The following SORCS2 variants were observed in gnomAD, a reference collection of about 807,000 sequenced individuals.
SORCS2 encodes VPS10 domain-containing receptor SorCS2.
Under a neutral mutation model 141.6 loss-of-function variants are expected in SORCS2, and 100 were observed. That is an observed-to-expected ratio of 0.71 (90% CI 0.60 to 0.83). The LOEUF is 0.83. Ranked by LOEUF, SORCS2 falls within the 40% of genes least tolerant of loss-of-function variation. The pLI is 0.00. For synonymous variants in SORCS2, 789 were observed against 676.9 expected (o/e 1.17, Z -2.57); for missense variants, 1,646 against 1,560.2 (o/e 1.05, Z -0.93).
intron 3 of SORCS2, among the ~76,000 whole-genome samples, chr4:7,576,388 A>C (rs1715754405): frequency 6.6e-6 from 1 of 152,238 alleles, no homozygotes; most frequent in Non-Finnish European, 1.5e-5. Flanking sequence ...GATTCCATTA[A>C]CTAATAGCAT....
At chr4:7,222,226 G>A (rs1329988538) in intron 1 of SORCS2, among the ~76,000 whole-genome samples, 8 of 152,184 alleles carry the variant, frequency 5.3e-5, no homozygotes, top group Admixed American at 4.6e-4. Context: ...GTACCTAAAG[G>A]TGAGACAACC....
At chr4:7,259,137 C>T (rs1176309985) in intron 1 of SORCS2, among the ~76,000 whole-genome samples, 1 of 152,158 alleles carries the variant, frequency 6.6e-6, no homozygotes, top group Non-Finnish European at 1.5e-5. Flanking sequence ...TTAATTAGAT[C>T]CCTTTTCTCT....
intron 2 of SORCS2, among the ~76,000 whole-genome samples, chr4:7,444,729 C>G (rs183917230): frequency 2.6e-5 from 4 of 152,132 alleles, no homozygotes; most frequent in African/African-American, 9.7e-5. Context: ...GGGAGCATGC[C>G]GAGGAGGAGT....
intron 2 of SORCS2, among the ~76,000 whole-genome samples, chr4:7,414,794 G>A (rs1396003230): frequency 6.6e-6 from 1 of 152,096 alleles, no homozygotes; most frequent in East Asian, 1.9e-4. Flanking sequence ...CGAACTCAAG[G>A]TTTTATGTTG....
intron 4 of SORCS2, among the ~76,000 whole-genome samples, chr4:7,649,925 A>C (rs1406684959): frequency 6.6e-6 from 1 of 152,184 alleles, no homozygotes; most frequent in East Asian, 1.9e-4. Context: ...GCGGCACAGA[A>C]GAAGTCAGTT....
rs546086795 is a variant in SORCS2, at chr4:7,510,578, G to A, written c.549-20952G>A. Among the ~76,000 whole-genome samples, 4 of 150,708 alleles carry A rather than the reference G, an allele frequency of 2.7e-5. No homozygotes were observed. The East Asian group carries it at 5.8e-4, about 22-fold the overall frequency. ...CGGCATGTCCAGGAAATGCGACCCC[G>A]GGGCCAGCGGCTTGTTCTGTGCGCG... On this transcript the variant is annotated intron_variant, in intron 2 of 26. Coordinates refer to ENST00000507866, the MANE Select transcript of SORCS2 (RefSeq NM_020777.3).
In SORCS2 at chr4:7,741,382, C is replaced by T. The variant is rs965903874; in HGVS notation, c.*1118C>T. 14 of 273,302 alleles carry T rather than the reference C, an allele frequency of 5.1e-5. No homozygotes were observed. Among genetic ancestry groups the T allele is most frequent in the Non-Finnish European group, 6.8e-5 (10 of 147,366 alleles). The allele number at this position is 273,302 out of a possible 1,614,324, so 16.9% of individuals were successfully genotyped here. A position where few individuals can be genotyped will look rare whatever the true frequency, so the allele number is the denominator to read the frequency against. On this transcript the variant is annotated 3_prime_UTR_variant, in exon 27 of 27. Coordinates refer to ENST00000507866, the MANE Select transcript of SORCS2 (RefSeq NM_020777.3). ...CAGCCCTCTGCGCGCCAGTGCTGTG[C>T]GGTCTCCACACCCTTACGGTTTCCT...
At chr4:7,203,356 G>C (rs184043471) in intron 1 of SORCS2, among the ~76,000 whole-genome samples, 2 of 152,346 alleles carry the variant, frequency 1.3e-5, no homozygotes, top group Non-Finnish European at 2.9e-5. Flanking sequence ...TCAGGGAGAC[G>C]GAGATTGTAG....
intron 3 of SORCS2, among the ~76,000 whole-genome samples, chr4:7,572,715 T>G (rs138195090): frequency 7.9e-5 from 12 of 152,354 alleles, no homozygotes; most frequent in African/African-American, 2.9e-4. Flanking sequence ...AAATTTTATG[T>G]TGAAGTTCAG....
chr4:7,579,025 G>A (rs1190999512), intron 3 of SORCS2, among the ~76,000 whole-genome samples: 1 of 152,046 alleles, frequency 6.6e-6, no homozygotes. Context: ...TGTGTGAATG[G>A]GCAGATGGCT....
chr4:7,477,249 C>T lies in SORCS2; in HGVS notation c.549-54281C>T, dbSNP rs556139051. ...AATAGCCTGAGTCATTCAGAGTCAT[C>T]CTTCTGGCTATGGGGACAGCTTCTA... On this transcript the variant is annotated intron_variant, in intron 2 of 26. Transcript: ENST00000507866. 5.3e-5 allele frequency among the ~76,000 whole-genome samples: 8 copies of T among 152,380 alleles called. No individual in the cohort carries two copies. In the South Asian group the frequency reaches 8.3e-4, roughly 16 times the overall value.
In SORCS2 at chr4:7,723,868, T is replaced by G. The variant is rs954607429; in HGVS notation, c.2596T>G (p.Phe866Val). The G allele has an allele frequency of 6.2e-7, 1 of 1,606,540 alleles. No individual in the cohort carries two copies. The highest frequency in any genetic ancestry group is 1.1e-5 in the South Asian group (1 of 90,974). Reference sequence around the variant, plus strand: ...GGCAGGCCACGATGAGGCGGTGCTCTTTGTCCAGGTCAACTGTAAGTTTAT... The same window carrying G: ...GGCAGGCCACGATGAGGCGGTGCTCGTTGTCCAGGTCAACTGTAAGTTTAT... ...NTAGHDEAVL[F>V]VQVNSPLQAL... The change falls in exon 19 of 27, where the codon TTT becomes GTT. Residue 866 changes from phenylalanine (F) to valine (V), a missense_variant. Coordinates refer to ENST00000507866, the MANE Select transcript of SORCS2 (RefSeq NM_020777.3).
At chr4:7,704,365 C>A in intron 14 of SORCS2, 81 bp downstream of exon 14, 2 of 1,239,374 alleles carry the variant, frequency 1.6e-6, no homozygotes, top group Non-Finnish European at 2.2e-6. Context: ...GTGTCCTTCA[C>A]CCCCCAGCCA....
At chr4:7,394,419 T>C (rs1282510614) in intron 1 of SORCS2, among the ~76,000 whole-genome samples, 1 of 72,036 alleles carries the variant, frequency 1.4e-5, no homozygotes, top group African/African-American at 5.6e-5. Context: ...GGGGGGTGTA[T>C]GGAGGGGGCA....
intron 3 of SORCS2, among the ~76,000 whole-genome samples, chr4:7,616,987 G>A (rs1007514929): frequency 6.6e-6 from 1 of 152,196 alleles, no homozygotes; most frequent in African/African-American, 2.4e-5. Flanking sequence ...GGCTCCAGCA[G>A]GTGGACAATT....
At chr4:7,559,262 C>G (rs528630099) in intron 3 of SORCS2, among the ~76,000 whole-genome samples, 7 of 152,170 alleles carry the variant, frequency 4.6e-5, no homozygotes, top group Non-Finnish European at 8.8e-5. Context: ...GTTTGGGACC[C>G]TGAAGCCCCT....
chr4:7,253,097 G>A (rs1713615727), intron 1 of SORCS2, among the ~76,000 whole-genome samples: 1 of 152,236 alleles, frequency 6.6e-6, no homozygotes, highest in South Asian at 2.1e-4. Flanking sequence ...AATTCAAGAG[G>A]CACCTGGAGG....
At chr4:7,646,148 G>T (rs569186665) in intron 4 of SORCS2, among the ~76,000 whole-genome samples, 1 of 152,260 alleles carries the variant, frequency 6.6e-6, no homozygotes, top group Admixed American at 6.5e-5. Flanking sequence ...CGGCTTAGCC[G>T]AGGAGCAGGA....
At chr4:7,674,587 A>AT (rs1722995412) in intron 8 of SORCS2, among the ~76,000 whole-genome samples, 1 of 126,022 alleles carries the variant, frequency 7.9e-6, no homozygotes, top group East Asian at 2.4e-4. Context: ...ATAAAAAAAA[A>AT]AAAAAAAAAA....
Sources: gnomAD v4.1 joint callset for allele counts (sites outside exome capture counted in the v4.1 genomes callset) on GRCh38, gnomAD v4.1.1 for gene constraint, MANE v1.5 for transcripts, NCBI Gene and HGNC (gene_info 2026-07-23, HGNC 2026-07-21) for gene names.